The following CAMK1D variants were observed in gnomAD, a reference collection of about 807,000 sequenced individuals.
CAMK1D encodes the protein calcium/calmodulin-dependent protein kinase type 1D.
In CAMK1D, 9 loss-of-function variants were observed where a neutral mutation model predicts 47.7. The ratio of observed to expected loss-of-function variants is 0.19; its 90% CI spans 0.11 to 0.33. The LOEUF (loss-of-function observed/expected upper bound fraction) is 0.33, where lower values mean the gene tolerates loss of function less well. Among genes scored for constraint, CAMK1D ranks in the 10% least tolerant of loss-of-function variants. The pLI, the probability that CAMK1D is intolerant of heterozygous loss-of-function variation, is 1.00. For missense variants in CAMK1D, 291 were observed against 488.7 expected (o/e 0.60, Z 3.81); for synonymous variants, 184 against 184.9 (o/e 0.99, Z 0.04).
chr10:12,684,286 A>G (rs892427866), intron 3 of CAMK1D, among the ~76,000 whole-genome samples: 1 of 152,138 alleles, frequency 6.6e-6, no homozygotes, highest in Non-Finnish European at 1.5e-5. Flanking sequence ...TTTTCGGTGG[A>G]TGGATCAGTG....
At chr10:12,701,016 G>A (rs1229947892) in intron 3 of CAMK1D, among the ~76,000 whole-genome samples, 1 of 152,150 alleles carries the variant, frequency 6.6e-6, no homozygotes, top group African/African-American at 2.4e-5. Context: ...TGGTGAGAAG[G>A]GGCTGGATCC....
intron 1 of CAMK1D, among the ~76,000 whole-genome samples, chr10:12,409,875 C>T (rs1171975973): frequency 6.6e-6 from 1 of 152,226 alleles, no homozygotes; most frequent in African/African-American, 2.4e-5. Context: ...CCTCCTGTCT[C>T]ACCACTGGTA....
At chr10:12,393,887 A>G (rs910291378) in intron 1 of CAMK1D, among the ~76,000 whole-genome samples, 1 of 152,166 alleles carries the variant, frequency 6.6e-6, no homozygotes, top group Admixed American at 6.5e-5. Flanking sequence ...TTTCCTTCTC[A>G]TTAAGCAGTT....
intron 6 of CAMK1D, among the ~76,000 whole-genome samples, chr10:12,806,482 G>A (rs1838736900): frequency 6.6e-6 from 1 of 152,214 alleles, no homozygotes; most frequent in Admixed American, 6.5e-5. Context: ...CCTTCCTGCA[G>A]CAGCTGTGGA....
chr10:12,696,864 AC>A (rs1389946678), intron 3 of CAMK1D, among the ~76,000 whole-genome samples: 2 of 152,216 alleles, frequency 1.3e-5, no homozygotes, highest in Admixed American at 6.5e-5. Context: ...ATAAATACAC[AC>A]AGTTCATGCT....
chr10:12,621,551 G>T (rs550918390), intron 2 of CAMK1D, among the ~76,000 whole-genome samples: 1 of 151,608 alleles, frequency 6.6e-6, no homozygotes, highest in Non-Finnish European at 1.5e-5. Flanking sequence ...TTAAATATTG[G>T]TATAAATGTT....
intron 2 of CAMK1D, among the ~76,000 whole-genome samples, chr10:12,589,600 TC>T (rs1460047409): frequency 6.6e-6 from 1 of 152,200 alleles, no homozygotes; most frequent in African/African-American, 2.4e-5. Flanking sequence ...TAACAAATCT[TC>T]CCTGGCCCTT....
intron 6 of CAMK1D, among the ~76,000 whole-genome samples, chr10:12,795,023 A>G (rs1042825608): frequency 6.6e-6 from 1 of 152,186 alleles, no homozygotes; most frequent in Non-Finnish European, 1.5e-5. Flanking sequence ...AAGGTAATCA[A>G]TAAATGCTGG....
At chr10:12,801,354 T>TATC (rs57429397) in intron 6 of CAMK1D, among the ~76,000 whole-genome samples, 5,480 of 64,574 alleles carry the variant, frequency 0.085, 297 homozygotes, top group Non-Finnish European at 0.1. Flanking sequence ...TCTATCTATC[T>TATC]TATCTATCTA....
At chr10:12,529,389 A>G (rs779223875) in intron 1 of CAMK1D, among the ~76,000 whole-genome samples, 17 of 152,122 alleles carry the variant, frequency 1.1e-4, no homozygotes, top group Non-Finnish European at 1.6e-4. Flanking sequence ...CCATATACGA[A>G]TGGTATGTGT....
intron 2 of CAMK1D, among the ~76,000 whole-genome samples, chr10:12,559,277 A>G (rs767072816): frequency 1.3e-5 from 2 of 152,148 alleles, no homozygotes; most frequent in Non-Finnish European, 2.9e-5. Context: ...CTGAGACACC[A>G]TCTCTAAAAA....
At position 12,767,655 on chromosome 10, in the gene CAMK1D, A is replaced by G. The variant is rs186253161; in HGVS notation, c.439-2018A>G. On this transcript the variant is annotated intron_variant, in intron 4 of 10. Coordinates refer to ENST00000619168, the MANE Select transcript of CAMK1D (RefSeq NM_153498.4). ...GTAAGATGTACATTGGCTAGGTATG[A>G]AAAGGCGGCACAACTCAAAGCAGAG... Among the ~76,000 whole-genome samples, 409 of 152,316 alleles carry G rather than the reference A, an allele frequency of 2.7e-3. 1 individual carries two copies. Among genetic ancestry groups the G allele is most frequent in the Non-Finnish European group, 4.6e-3 (312 of 68,018 alleles).
chr10:12,611,685 G>A (rs1195639754), intron 2 of CAMK1D, among the ~76,000 whole-genome samples: 4 of 132,736 alleles, frequency 3.0e-5, no homozygotes, highest in African/African-American at 1.1e-4. Context: ...TCCCCCTCCC[G>A]GGTTCAAGCA....
chr10:12,363,202 A>C (rs1588406311), intron 1 of CAMK1D, among the ~76,000 whole-genome samples: 1 of 142,094 alleles, frequency 7.0e-6, no homozygotes, highest in African/African-American at 2.6e-5. Flanking sequence ...CGGCCTCCCA[A>C]AGTGCTGGGA....
intron 1 of CAMK1D, among the ~76,000 whole-genome samples, chr10:12,528,714 G>A (rs2132214794): frequency 1.3e-5 from 2 of 149,882 alleles, no homozygotes; most frequent in East Asian, 3.9e-4. Context: ...GCTCTAGAGA[G>A]GTAAAGTGAG....
intron 2 of CAMK1D, among the ~76,000 whole-genome samples, chr10:12,649,540 C>T (rs1387509802): frequency 6.6e-6 from 1 of 152,194 alleles, no homozygotes; most frequent in Non-Finnish European, 1.5e-5. Flanking sequence ...TCTGAAGACA[C>T]AGGTATTCAG....
At chr10:12,370,567 G>C (rs1837974265) in intron 1 of CAMK1D, among the ~76,000 whole-genome samples, 1 of 152,094 alleles carries the variant, frequency 6.6e-6, no homozygotes, top group East Asian at 1.9e-4. Context: ...CGGTGATATT[G>C]ATGATCCCGA....
intron 1 of CAMK1D, among the ~76,000 whole-genome samples, chr10:12,407,604 C>T (rs1166043479): frequency 6.6e-6 from 1 of 152,212 alleles, no homozygotes; most frequent in African/African-American, 2.4e-5. Flanking sequence ...TAACCAGCTC[C>T]TGCAATACAG....
In CAMK1D at chr10:12,395,734, GTGAAAAATACAAAAATTAGCCATCTCTA is replaced by G. The variant is rs559060319; in HGVS notation, c.92+45846_92+45873del. ...GTTCGAGACCAGCCTAGCCAACATG[GTGAAAAATACAAAAATTAGCCATCTCTA>G]TGAAAAATACAAAAATTAGCCGGGC... is the stretch of plus-strand genomic sequence containing the variant. On this transcript the variant is annotated intron_variant, in intron 1 of 10. Coordinates refer to ENST00000619168, the MANE Select transcript of CAMK1D (RefSeq NM_153498.4). 5.7e-3 allele frequency among the ~76,000 whole-genome samples: 873 copies of G among 151,918 alleles called. 10 individuals carry two copies. Among genetic ancestry groups the G allele is most frequent in the African/African-American group, 0.02 (814 of 41,436 alleles).
Sources: gnomAD v4.1 joint callset for allele counts (sites outside exome capture counted in the v4.1 genomes callset) on GRCh38, gnomAD v4.1.1 for gene constraint, MANE v1.5 for transcripts, NCBI Gene and HGNC (gene_info 2026-07-23, HGNC 2026-07-21) for gene names.